Variants in FGF13 observed in about 807,000 individuals in gnomAD.
FGF13 encodes fibroblast growth factor homologous factor 2.
In FGF13, 2 loss-of-function variants were observed where a neutral mutation model predicts 19.5. The ratio of observed to expected loss-of-function variants is 0.10; its 90% CI spans 0.04 to 0.32. The LOEUF (loss-of-function observed/expected upper bound fraction) is 0.32, where lower values mean the gene tolerates loss of function less well. Among genes scored for constraint, FGF13 ranks in the 10% least tolerant of loss-of-function variants. The pLI, the probability that FGF13 is intolerant of heterozygous loss-of-function variation, is 1.00. For missense variants in FGF13, 113 were observed against 192.7 expected, an observed-to-expected ratio of 0.59 and a Z score of 2.45; for synonymous variants, 72 against 76.9, an observed-to-expected ratio of 0.94 and a Z score of 0.33.
At chrX:139,111,611 T>C (rs1044256925) in intron 1 of FGF13, among the ~76,000 whole-genome samples, 1 of 111,904 alleles carries the variant, frequency 8.9e-6, no homozygotes, top group Non-Finnish European at 1.9e-5. Context: ...GACAGTTCTG[T>C]TGCAGTGCCA....
intron 1 of FGF13, among the ~76,000 whole-genome samples, chrX:138,886,170 G>A (rs2091450911): frequency 8.9e-6 from 1 of 111,775 alleles, no homozygotes; most frequent in Admixed American, 9.5e-5. Flanking sequence ...CACTTACGAA[G>A]TGCAAAAATG....
intron 1 of FGF13, among the ~76,000 whole-genome samples, chrX:138,986,113 A>T (rs972149522): frequency 8.9e-6 from 1 of 112,179 alleles, no homozygotes; most frequent in African/African-American, 3.2e-5. Context: ...TAGGGAAGTT[A>T]ACAAAGCCAA....
intron 1 of FGF13, among the ~76,000 whole-genome samples, chrX:139,196,846 T>G (rs771348033): frequency 8.9e-6 from 1 of 112,356 alleles, no homozygotes; most frequent in Non-Finnish European, 1.9e-5. Flanking sequence ...GAAGATTTCA[T>G]GAGATATTTC....
At chrX:138,712,441 G>A (rs2090064015), upstream of FGF13, among the ~76,000 whole-genome samples, 1 of 111,317 alleles carries the variant, frequency 9.0e-6, no homozygotes, top group African/African-American at 3.3e-5. Context: ...CTCTATTTAA[G>A]CTGTGGCCCA....
chrX:138,693,024 A>G (rs1391609356), intron 3 of FGF13, among the ~76,000 whole-genome samples: 1 of 110,980 alleles, frequency 9.0e-6, no homozygotes, highest in Non-Finnish European at 1.9e-5. Flanking sequence ...TCATTCTTAC[A>G]CCTAAAACAC....
At chrX:138,856,203 C>T (rs1000310197), downstream of FGF13, among the ~76,000 whole-genome samples, 2 of 111,356 alleles carry the variant, frequency 1.8e-5, no homozygotes, top group African/African-American at 6.5e-5. Context: ...TCGGTGGTCA[C>T]ACTCAACGTG....
intron 1 of FGF13, among the ~76,000 whole-genome samples, chrX:139,019,238 A>G (rs2092167278): frequency 1.8e-5 from 2 of 111,854 alleles, no homozygotes; most frequent in Non-Finnish European, 3.8e-5. Flanking sequence ...GCCCTACCTT[A>G]GCCACTATTT....
At chrX:139,119,931 C>T (rs1170406343) in intron 1 of FGF13, among the ~76,000 whole-genome samples, 1 of 112,416 alleles carries the variant, frequency 8.9e-6, no homozygotes, top group Non-Finnish European at 1.9e-5. Flanking sequence ...TCTGTGTCCC[C>T]ACCCAAATCT....
intron 3 of FGF13, among the ~76,000 whole-genome samples, chrX:138,756,935 C>A (rs773892207): frequency 1.5e-4 from 17 of 111,826 alleles, no homozygotes; most frequent in African/African-American, 5.2e-4. Context: ...CTGAATTATA[C>A]CTCTGTTATC....
intron 3 of FGF13, among the ~76,000 whole-genome samples, chrX:138,818,577 TAGTTCA>T (rs2090977887): frequency 1.9e-5 from 2 of 106,968 alleles, no homozygotes; most frequent in Non-Finnish European, 3.8e-5. Context: ...ATATTTCATC[TAGTTCA>T]AGTTCTTCAT....
intron 1 of FGF13, among the ~76,000 whole-genome samples, chrX:139,153,293 T>C (rs2083950092): frequency 1.8e-5 from 2 of 109,787 alleles, no homozygotes; most frequent in East Asian, 5.8e-4. Context: ...CCTCAATGTC[T>C]GTTGCCACAT....
chrX:139,080,368 CTCCACA>C (rs2083362424), intron 1 of FGF13, among the ~76,000 whole-genome samples: 1 of 111,842 alleles, frequency 8.9e-6, no homozygotes, highest in Non-Finnish European at 1.9e-5. Flanking sequence ...GTGGAACATA[CTCCACA>C]TTCAATACTT....
At position 139,158,029 on chromosome X, in the gene FGF13, A is replaced by G. The variant is rs2083992915; in HGVS notation, c.-113+45387T>C. Among the ~76,000 whole-genome samples, 4 of 111,773 alleles carry G rather than the reference A, an allele frequency of 3.6e-5. No homozygotes were observed. In the South Asian group the frequency reaches 1.5e-3, roughly 42 times the overall value. On this transcript the variant is annotated intron_variant, in intron 1 of 2. Coordinates refer to the FGF13 transcript ENST00000421460. ...GGCGGGAAACTCCCTCCCCTAGCCA[A>G]TGGAAGCCCTGAAGGAATGTGCCAT...
intron 3 of FGF13, among the ~76,000 whole-genome samples, chrX:138,811,068 C>T (rs1237571749): frequency 2.7e-5 from 3 of 111,928 alleles, no homozygotes; most frequent in Non-Finnish European, 5.6e-5. Context: ...CTAGAAATAC[C>T]ATTTGACGCA....
intron 3 of FGF13, among the ~76,000 whole-genome samples, chrX:138,674,731 CAGAGGTT>C (rs1258174582): frequency 9.0e-6 from 1 of 110,876 alleles, no homozygotes; most frequent in Non-Finnish European, 1.9e-5. Context: ...GGGCAGAGGG[CAGAGGTT>C]ACTGATGATG....
chrX:138,809,181 A>T (rs2090899673), intron 3 of FGF13, among the ~76,000 whole-genome samples: 2 of 112,038 alleles, frequency 1.8e-5, no homozygotes, highest in African/African-American at 6.5e-5. Context: ...ATGAACATTG[A>T]TGCAAAAATC....
chrX:138,914,375 A>G (rs1217174788), intron 1 of FGF13, among the ~76,000 whole-genome samples: 2 of 110,939 alleles, frequency 1.8e-5, no homozygotes, highest in Admixed American at 9.7e-5. Context: ...CCCACACTGT[A>G]TGTTACTCCA....
In FGF13 at chrX:138,725,194, C is replaced by T. The variant is rs759780709; in HGVS notation, c.28+14048G>A. ...GTCTGAACAGAGTTTCTACTTAATT[C>T]GAACTATGGGGAAATAAGTAATGCG... is the stretch of plus-strand genomic sequence containing the variant. On this transcript the variant is annotated intron_variant, in intron 1 of 4. Coordinates refer to the FGF13 transcript ENST00000305414. 9.0e-5 allele frequency among the ~76,000 whole-genome samples: 10 copies of T among 111,265 alleles called. No individual in the cohort carries two copies. The East Asian group carries it at 1.7e-3, about 19-fold the overall frequency.
intron 3 of FGF13, among the ~76,000 whole-genome samples, chrX:138,793,529 C>A (rs774789232): frequency 1.8e-5 from 2 of 111,799 alleles, no homozygotes; most frequent in East Asian, 5.7e-4. Context: ...TTGGAAACAT[C>A]TCCTGGTCTA....
Sources: gnomAD v4.1 joint callset for allele counts (sites outside exome capture counted in the v4.1 genomes callset) on GRCh38, gnomAD v4.1.1 for gene constraint, MANE v1.5 for transcripts, NCBI Gene and HGNC (gene_info 2026-07-23, HGNC 2026-07-21) for gene names.